MARK3: variants seen among roughly 807,000 people sequenced by gnomAD.
The protein encoded by MARK3 is microtubule affinity regulating kinase 3.
In MARK3, 46 loss-of-function variants were observed where a neutral mutation model predicts 90.1. The ratio of observed to expected loss-of-function variants is 0.51; its 90% CI spans 0.40 to 0.65. The LOEUF is 0.65. Among genes scored for constraint, MARK3 ranks in the 30% least tolerant of loss-of-function variants. The probability of loss-of-function intolerance (pLI) is 0.00; values close to 1 mark genes in which losing one functional copy is unlikely to be tolerated. For missense variants in MARK3, 818 were observed against 947.2 expected, an observed-to-expected ratio of 0.86 and a Z score of 1.79; for synonymous variants, 321 against 332.6, an observed-to-expected ratio of 0.97 and a Z score of 0.38.
At chr14:103,495,577 G>T (rs1374545134) in intron 15 of MARK3, among the ~76,000 whole-genome samples, 1 of 152,000 alleles carries the variant, frequency 6.6e-6, no homozygotes, top group Non-Finnish European at 1.5e-5. Context: ...ACAGTTGCAG[G>T]CGTGACAGTT....
At chr14:103,452,471 C>CTTTTTTTTTTTTTTTTTTT (rs71126026) in intron 5 of MARK3, among the ~76,000 whole-genome samples, 1,115 of 97,428 alleles carry the variant, frequency 0.011, 215 homozygotes, top group Non-Finnish European at 0.019. Context: ...CAGGATTTGT[C>CTTTTTTTTTTTTTTTTTTT]TTTTTTTTTT....
intron 2 of MARK3, among the ~76,000 whole-genome samples, chr14:103,406,469 T>G (rs920631318): frequency 3.3e-5 from 5 of 151,830 alleles, no homozygotes; most frequent in African/African-American, 1.2e-4. Context: ...ACTCCTGACC[T>G]CAGGTGATCT....
intron 2 of MARK3, among the ~76,000 whole-genome samples, chr14:103,407,046 G>C (rs1479188233): frequency 1.3e-5 from 2 of 152,000 alleles, no homozygotes; most frequent in Non-Finnish European, 2.9e-5. Context: ...TGTTAGCCAG[G>C]ATGGTCTCGA....
intron 14 of MARK3, chr14:103,491,256 T>A (rs896876244): frequency 6.8e-6 from 3 of 440,116 alleles, no homozygotes; most frequent in African/African-American, 6.2e-5. Flanking sequence ...TCTTTTGTCA[T>A]GATGTCCTCG....
At chr14:103,402,051 C>T (rs576576978) in intron 1 of MARK3, among the ~76,000 whole-genome samples, 13 of 152,204 alleles carry the variant, frequency 8.5e-5, no homozygotes, top group Admixed American at 6.5e-4. Flanking sequence ...GCCTTGAATT[C>T]GTTTAACATT....
chr14:103,435,125 G>A (rs541247959), intron 3 of MARK3, among the ~76,000 whole-genome samples: 12 of 152,268 alleles, frequency 7.9e-5, no homozygotes, highest in African/African-American at 1.9e-4. Context: ...GTGGTCTGTC[G>A]TGTAATGACT....
chr14:103,488,688 C>G (rs1031893335), intron 14 of MARK3, among the ~76,000 whole-genome samples: 2 of 151,988 alleles, frequency 1.3e-5, no homozygotes, highest in Admixed American at 6.6e-5. Flanking sequence ...GACACCATCT[C>G]TACAAAAAAT....
At chr14:103,444,083 TG>T (rs1380299919) in intron 3 of MARK3, among the ~76,000 whole-genome samples, 15 of 87,114 alleles carry the variant, frequency 1.7e-4, no homozygotes, top group African/African-American at 5.6e-4. Context: ...TTGGTAAAAT[TG>T]TCTTTTTTTT....
intron 16 of MARK3, 28 bp from the exon 17 acceptor site, chr14:103,500,128 T>C: frequency 1.3e-6 from 2 of 1,592,850 alleles, no homozygotes; most frequent in Non-Finnish European, 1.7e-6. Flanking sequence ...TTCCCTCTTC[T>C]CTCTGCTTCT....
At chr14:103,469,462 G>T (rs1423485404) in intron 12 of MARK3, among the ~76,000 whole-genome samples, 1 of 151,698 alleles carries the variant, frequency 6.6e-6, no homozygotes, top group Non-Finnish European at 1.5e-5. Flanking sequence ...GATTACAGGT[G>T]TGAGCCACCG....
rs530356209 is a variant in MARK3 at position 103,412,168 on chromosome 14, C to A, written c.243+6901C>A. 3.5e-6 allele frequency: 5 copies of A among 1,408,608 alleles called. No individual in the cohort carries two copies. The South Asian group carries it at 5.1e-5, about 14-fold the overall frequency. The allele number at this position is 1,408,608 out of a possible 1,614,324, so 87.3% of individuals were successfully genotyped here. A position where few individuals can be genotyped will look rare whatever the true frequency, so the allele number is the denominator to read the frequency against. On this transcript the variant is annotated intron_variant, in intron 2 of 17. Coordinates refer to ENST00000429436, the MANE Select transcript of MARK3 (RefSeq NM_001128918.3). ...CGTGGTGCTCTTGATATATAAGGCC[C>A]GGACATTCTGCCAGTTTTTTCTCGA... is the stretch of plus-strand genomic sequence containing the variant.
intron 14 of MARK3, among the ~76,000 whole-genome samples, chr14:103,483,906 A>C (rs1197087584): frequency 6.6e-6 from 1 of 152,238 alleles, no homozygotes; most frequent in African/African-American, 2.4e-5. Flanking sequence ...ACACGTAGTG[A>C]GTGCTCAAAC....
chr14:103,500,038 C>T (rs751138583), intron 16 of MARK3, 118 bp from the exon 17 acceptor site: 7 of 780,396 alleles, frequency 9.0e-6, no homozygotes, highest in African/African-American at 3.5e-5. Flanking sequence ...GTGTTTAAAA[C>T]GTGTTTTGGC....
At chr14:103,415,150 CAAAAAAAAAA>C (rs34245934) in intron 2 of MARK3, among the ~76,000 whole-genome samples, 5 of 37,706 alleles carry the variant, frequency 1.3e-4, no homozygotes, top group South Asian at 1.9e-3. Flanking sequence ...GACCTTGTCT[CAAAAAAAAAA>C]AAAAAAAAAA....
chr14:103,431,662 C>T (rs2092586297), intron 3 of MARK3, among the ~76,000 whole-genome samples: 1 of 152,118 alleles, frequency 6.6e-6, no homozygotes, highest in Admixed American at 6.5e-5. Context: ...GGTTAGTTAG[C>T]CAACCTTGAG....
chr14:103,475,359 A>G, intron 13 of MARK3, 149 bp downstream of exon 13: 5 of 631,766 alleles, frequency 7.9e-6, no homozygotes, highest in South Asian at 2.0e-5. Flanking sequence ...CAGAAATCCT[A>G]CCTGCTGCAT....
intron 1 of MARK3, among the ~76,000 whole-genome samples, chr14:103,401,857 C>T (rs1392077840): frequency 6.6e-5 from 10 of 152,094 alleles, no homozygotes; most frequent in Admixed American, 6.6e-4. Flanking sequence ...GCAGGGAGAG[C>T]CTTAGAAGGG....
intron 6 of MARK3, among the ~76,000 whole-genome samples, chr14:103,458,529 A>G (rs1049724326): frequency 2.0e-5 from 3 of 151,992 alleles, no homozygotes; most frequent in African/African-American, 4.8e-5. Flanking sequence ...TGTTCCAACA[A>G]AACTTTATTT....
At chr14:103,484,343 A>AT (rs1448506941) in intron 14 of MARK3, among the ~76,000 whole-genome samples, 1 of 151,866 alleles carries the variant, frequency 6.6e-6, no homozygotes, top group Non-Finnish European at 1.5e-5. Flanking sequence ...CACCTGGCTG[A>AT]TTTTTGTATT....
Sources: allele counts gnomAD v4.1 joint callset (sites outside exome capture counted in the v4.1 genomes callset), GRCh38; gene constraint gnomAD v4.1.1; transcripts MANE v1.5; gene names NCBI Gene and HGNC (gene_info 2026-07-23, HGNC 2026-07-21).